The following RYR2 variants were observed in gnomAD, a reference collection of about 807,000 sequenced individuals.
RYR2 encodes the protein cardiac muscle ryanodine receptor-calcium release channel.
Under a neutral mutation model 601.1 loss-of-function variants are expected in RYR2, and 227 were observed. The ratio of observed to expected loss-of-function variants is 0.38; its 90% CI spans 0.34 to 0.42. The LOEUF is 0.42. RYR2 is among the 10% of genes least tolerant of loss of function. RYR2 has a pLI of 1.00. For synonymous variants in RYR2, 2,223 were observed against 2,175.1 expected (o/e 1.02, Z -0.61); for missense variants, 4,646 against 6,156.5 (o/e 0.75, Z 8.21).
chr1:237,791,961 T>G (rs1658427098), intron 93 of RYR2, 144 bp from the exon 94 acceptor site: 1 of 641,056 alleles, frequency 1.6e-6, no homozygotes, highest in Non-Finnish European at 2.7e-6. Flanking sequence ...AAGCTATCGT[T>G]TTTAGCCTTT....
chr1:237,401,850 T>C (rs755304529), intron 10 of RYR2, among the ~76,000 whole-genome samples: 1 of 152,158 alleles, frequency 6.6e-6, no homozygotes, highest in Non-Finnish European at 1.5e-5. Flanking sequence ...GGGCCCACCA[T>C]GAACCACATC....
intron 1 of RYR2, among the ~76,000 whole-genome samples, chr1:237,111,125 C>A (rs1007230803): frequency 2.0e-5 from 3 of 152,196 alleles, no homozygotes; most frequent in Admixed American, 2.0e-4. Context: ...TGTTTGGTAA[C>A]ATTGTTGACA....
intron 1 of RYR2, among the ~76,000 whole-genome samples, chr1:237,177,780 A>G (rs1192425508): frequency 6.6e-6 from 1 of 152,192 alleles, no homozygotes; most frequent in Non-Finnish European, 1.5e-5. Context: ...CATGTACAAG[A>G]ATTTCTTTAG....
At chr1:237,482,569 G>T (rs2927935) in intron 17 of RYR2, among the ~76,000 whole-genome samples, 87,085 of 151,952 alleles carry the variant, frequency 0.57, 27,177 homozygotes, top group African/African-American at 0.84. Flanking sequence ...ACTCCATTGT[G>T]TGTATATACT....
chr1:237,779,317 A>C (rs1037277268), intron 88 of RYR2, among the ~76,000 whole-genome samples: 1 of 152,188 alleles, frequency 6.6e-6, no homozygotes, highest in Admixed American at 6.5e-5. Flanking sequence ...TGTTAACTTG[A>C]GGGCTATTGA....
chr1:237,245,803 A>G (rs1040385226), intron 1 of RYR2, among the ~76,000 whole-genome samples: 1 of 152,144 alleles, frequency 6.6e-6, no homozygotes, highest in African/African-American at 2.4e-5. Context: ...TTTTTTTGAG[A>G]CAGAGTCTCG....
chr1:237,811,791 AC>A (rs1229150049), intron 100 of RYR2, among the ~76,000 whole-genome samples: 1 of 152,188 alleles, frequency 6.6e-6, no homozygotes, highest in Non-Finnish European at 1.5e-5. Flanking sequence ...GTAATTTTCA[AC>A]ATTTCCTGTC....
At chr1:237,156,011 A>T (rs1316145076) in intron 1 of RYR2, among the ~76,000 whole-genome samples, 1 of 152,038 alleles carries the variant, frequency 6.6e-6, no homozygotes, top group Non-Finnish European at 1.5e-5. Flanking sequence ...CCTCTGCTGA[A>T]CCTCACACAT....
chr1:237,771,699 T>C (rs2249567), intron 85 of RYR2, among the ~76,000 whole-genome samples: 24,718 of 152,092 alleles, frequency 0.16, 2,119 homozygotes, highest in Non-Finnish European at 0.2. Context: ...TTCCTTCTTA[T>C]ATCCTCAAGG....
chr1:237,496,054 T>C (rs1664035870), intron 19 of RYR2, among the ~76,000 whole-genome samples: 2 of 152,154 alleles, frequency 1.3e-5, no homozygotes, highest in South Asian at 4.1e-4. Flanking sequence ...TTTTTAGTAA[T>C]TAAGGAAATA....
intron 27 of RYR2, 94 bp from the exon 28 acceptor site, chr1:237,566,473 C>A: frequency 8.0e-7 from 1 of 1,252,542 alleles, no homozygotes; most frequent in Non-Finnish European, 1.1e-6. Flanking sequence ...TTACTAAAGT[C>A]GTGATTTATC....
At chr1:237,709,325 A>AAATTT (rs1688633572) in intron 69 of RYR2, among the ~76,000 whole-genome samples, 155 bp from the exon 70 acceptor site, 1 of 152,108 alleles carries the variant, frequency 6.6e-6, no homozygotes, top group Non-Finnish European at 1.5e-5. Context: ...TTTGACAGTT[A>AAATTT]TGATGTTTAA....
chr1:237,786,331 G>C (rs1316012372), intron 91 of RYR2, among the ~76,000 whole-genome samples: 1 of 152,172 alleles, frequency 6.6e-6, no homozygotes, highest in Non-Finnish European at 1.5e-5. Context: ...ATGGAATGCT[G>C]TTTGTAAGAG....
intron 81 of RYR2, 98 bp from the exon 82 acceptor site, chr1:237,757,599 G>T (rs928474985): frequency 2.6e-6 from 2 of 768,738 alleles, no homozygotes; most frequent in Non-Finnish European, 4.6e-6. Flanking sequence ...TGCCTGGGGG[G>T]GCATAATAAT....
intron 5 of RYR2, 21 bp from the exon 6 acceptor site, chr1:237,369,512 CT>C: frequency 6.5e-7 from 1 of 1,550,056 alleles, no homozygotes; most frequent in Non-Finnish European, 8.7e-7. Flanking sequence ...TCTTGTTCTC[CT>C]TTTTTCTCTT....
rs373419379 is a variant in RYR2 at position 237,083,945 on chromosome 1, T to A, written c.48+41376T>A. Among the ~76,000 whole-genome samples, 4 of 152,320 alleles carry A rather than the reference T, an allele frequency of 2.6e-5. No homozygotes were observed. The South Asian group carries it at 8.3e-4, about 32-fold the overall frequency. On this transcript the variant is annotated intron_variant, in intron 1 of 104. Coordinates refer to ENST00000366574, the MANE Select transcript of RYR2 (RefSeq NM_001035.3). ...GTGCAGATCAGCCACATTTCAGGTGTTCTGTGGACACACGTGGCATATGGC... is the reference window on the plus strand; with the variant it reads ...GTGCAGATCAGCCACATTTCAGGTGATCTGTGGACACACGTGGCATATGGC...
At chr1:237,542,058 CTTTATTTATTTA>C (rs71180097) in intron 25 of RYR2, among the ~76,000 whole-genome samples, 4,879 of 148,278 alleles carry the variant, frequency 0.033, 183 homozygotes, top group East Asian at 0.099. Flanking sequence ...ACATTTTTGT[CTTTATTTATTTA>C]TTTATTTATT....
At chr1:237,165,080 C>T (rs891052735) in intron 1 of RYR2, among the ~76,000 whole-genome samples, 4 of 151,822 alleles carry the variant, frequency 2.6e-5, no homozygotes, top group Admixed American at 2.0e-4. Context: ...GCTTCAGCCT[C>T]CTAAGTAGCT....
chr1:237,384,407 C>T (rs1701806687), intron 8 of RYR2, among the ~76,000 whole-genome samples: 1 of 152,172 alleles, frequency 6.6e-6, no homozygotes, highest in African/African-American at 2.4e-5. Context: ...TGCTGTCAGC[C>T]CCAAAGACAA....
Sources: allele counts gnomAD v4.1 joint callset (sites outside exome capture counted in the v4.1 genomes callset), GRCh38; gene constraint gnomAD v4.1.1; transcripts MANE v1.5; gene names NCBI Gene and HGNC (gene_info 2026-07-23, HGNC 2026-07-21).